Variants in GABBR2 observed in about 807,000 individuals in gnomAD.
GABBR2 encodes the protein gamma-aminobutyric acid type B receptor subunit 2, also known as G-protein coupled receptor 51.
GABBR2 carries 23 observed loss-of-function variants against 105.6 expected under a neutral mutation model. That is an observed-to-expected ratio of 0.22 (90% CI 0.16 to 0.31). The LOEUF is 0.31. Among genes scored for constraint, GABBR2 ranks in the 10% least tolerant of loss-of-function variants. GABBR2 has a pLI of 1.00. For missense variants in GABBR2, 734 were observed against 1,245.5 expected (o/e 0.59, Z 6.18); for synonymous variants, 478 against 499.7 (o/e 0.96, Z 0.58).
intron 13 of GABBR2, among the ~76,000 whole-genome samples, chr9:98,324,082 T>C (rs7035648): frequency 0.11 from 16,338 of 152,062 alleles, 974 homozygotes; most frequent in Middle Eastern, 0.19. Flanking sequence ...TTACCCAAGC[T>C]CACACATCAA....
chr9:98,395,538 A>T (rs114896879), intron 8 of GABBR2, among the ~76,000 whole-genome samples: 3 of 151,908 alleles, frequency 2.0e-5, no homozygotes, highest in African/African-American at 7.2e-5. Flanking sequence ...ACTCTGGAGG[A>T]GCCCTGACCC....
chr9:98,508,888 A>C (rs547056734), intron 3 of GABBR2, among the ~76,000 whole-genome samples: 3 of 152,170 alleles, frequency 2.0e-5, no homozygotes, highest in Non-Finnish European at 2.9e-5. Context: ...CTGCAGACTT[A>C]AATGTCCCTG....
At chr9:98,508,331 C>T (rs930987620) in intron 3 of GABBR2, among the ~76,000 whole-genome samples, 20 of 152,212 alleles carry the variant, frequency 1.3e-4, no homozygotes, top group African/African-American at 3.6e-4. Context: ...CAGTTCCCAG[C>T]GTGAGCGATG....
intron 3 of GABBR2, 137 bp from the exon 4 acceptor site, chr9:98,496,651 A>T (rs1827286662): frequency 1.5e-6 from 1 of 657,202 alleles, no homozygotes. Context: ...GTTTTGTTTT[A>T]CATTATTAAC....
At chr9:98,506,169 CA>C (rs1471629323) in intron 3 of GABBR2, among the ~76,000 whole-genome samples, 2 of 152,286 alleles carry the variant, frequency 1.3e-5, no homozygotes, top group African/African-American at 4.8e-5. Flanking sequence ...GTGCCTGGGA[CA>C]GGGGCGCTGG....
intron 8 of GABBR2, among the ~76,000 whole-genome samples, chr9:98,395,071 C>T (rs539500635): frequency 1.6e-4 from 25 of 152,232 alleles, no homozygotes; most frequent in African/African-American, 5.8e-4. Flanking sequence ...GTGTTTAGTT[C>T]ATTGTTTTGG....
At chr9:98,678,881 A>C (rs1282110772) in intron 1 of GABBR2, among the ~76,000 whole-genome samples, 2 of 152,188 alleles carry the variant, frequency 1.3e-5, no homozygotes, top group Non-Finnish European at 2.9e-5. Context: ...TGATGGTCTT[A>C]AGGACAGTTC....
chr9:98,429,242 C>T (rs1326282542), intron 7 of GABBR2, among the ~76,000 whole-genome samples: 2 of 151,752 alleles, frequency 1.3e-5, no homozygotes, highest in African/African-American at 4.8e-5. Context: ...CGAGTTCAAG[C>T]GATCCTCCTG....
intron 13 of GABBR2, among the ~76,000 whole-genome samples, chr9:98,348,499 G>T (rs1056904058): frequency 6.6e-6 from 1 of 152,130 alleles, no homozygotes; most frequent in African/African-American, 2.4e-5. Context: ...TAGGGATTAC[G>T]TTGAATCTGT....
At chr9:98,342,521 TAGG>T (rs950806567) in intron 13 of GABBR2, among the ~76,000 whole-genome samples, 4 of 152,052 alleles carry the variant, frequency 2.6e-5, no homozygotes, top group Non-Finnish European at 4.4e-5. Context: ...TGGTCCTCCC[TAGG>T]AGGAGTTGGC....
At chr9:98,335,467 G>A (rs1426835514) in intron 13 of GABBR2, among the ~76,000 whole-genome samples, 1 of 152,110 alleles carries the variant, frequency 6.6e-6, no homozygotes, top group African/African-American at 2.4e-5. Flanking sequence ...TGAGAGTCTG[G>A]ACCAGAGAAT....
intron 16 of GABBR2, among the ~76,000 whole-genome samples, chr9:98,300,110 C>A (rs1175185836): frequency 6.6e-6 from 1 of 151,908 alleles, no homozygotes; most frequent in Non-Finnish European, 1.5e-5. Flanking sequence ...GCAATCCTCC[C>A]ACTTTGGCCT....
chr9:98,297,250 T>A (rs1199045472), intron 17 of GABBR2, among the ~76,000 whole-genome samples: 1 of 152,228 alleles, frequency 6.6e-6, no homozygotes, highest in East Asian at 1.9e-4. Flanking sequence ...GTTTTTGCAA[T>A]AACCATGTTA....
At chr9:98,340,145 A>G (rs1831184839) in intron 13 of GABBR2, among the ~76,000 whole-genome samples, 1 of 151,112 alleles carries the variant, frequency 6.6e-6, no homozygotes, top group African/African-American at 2.4e-5. Flanking sequence ...AAGTGCTGTG[A>G]TGAAAAAAGA....
chr9:98,424,887 C>G (rs376656509), intron 7 of GABBR2, among the ~76,000 whole-genome samples: 2 of 151,880 alleles, frequency 1.3e-5, no homozygotes, highest in Admixed American at 6.6e-5. Context: ...GAATCAATAT[C>G]GTGAAAATGG....
intron 1 of GABBR2, among the ~76,000 whole-genome samples, chr9:98,699,897 A>G (rs1461278851): frequency 1.3e-5 from 2 of 152,218 alleles, no homozygotes; most frequent in Non-Finnish European, 2.9e-5. Flanking sequence ...AAGTAATAGA[A>G]TGCAGCTGCT....
chr9:98,547,031 C>A (rs2131745567), intron 2 of GABBR2, among the ~76,000 whole-genome samples: 1 of 120,358 alleles, frequency 8.3e-6, no homozygotes, highest in African/African-American at 2.7e-5. Flanking sequence ...CCCTTTGAAA[C>A]TACAAAGTGA....
intron 1 of GABBR2, among the ~76,000 whole-genome samples, chr9:98,588,008 G>A (rs1393963453): frequency 6.6e-6 from 1 of 152,178 alleles, no homozygotes; most frequent in Non-Finnish European, 1.5e-5. Flanking sequence ...TAAAGGTTAT[G>A]AGATTTCAGT....
intron 3 of GABBR2, among the ~76,000 whole-genome samples, chr9:98,524,657 C>T (rs950828400): frequency 1.6e-4 from 25 of 152,194 alleles, no homozygotes; most frequent in African/African-American, 4.6e-4. Context: ...CACTGTTTAT[C>T]GCTCACACAC....
Sources: allele counts gnomAD v4.1 joint callset (sites outside exome capture counted in the v4.1 genomes callset), GRCh38; gene constraint gnomAD v4.1.1; transcripts MANE v1.5; gene names NCBI Gene and HGNC (gene_info 2026-07-23, HGNC 2026-07-21).